FAM171A1: variants seen among roughly 807,000 people sequenced by gnomAD.
The protein encoded by FAM171A1 is protein FAM171A1.
Under a neutral mutation model 74.9 loss-of-function variants are expected in FAM171A1, and 23 were observed. The ratio of observed to expected loss-of-function variants is 0.31; its 90% CI spans 0.22 to 0.44. The LOEUF (loss-of-function observed/expected upper bound fraction) is 0.44. Among genes scored for constraint, FAM171A1 ranks in the 20% least tolerant of loss-of-function variants. FAM171A1 has a pLI of 1.00. For synonymous variants in FAM171A1, 527 were observed against 505.7 expected (o/e 1.04, Z -0.57); for missense variants, 1,162 against 1,159.2 (o/e 1.00, Z -0.03).
intron 3 of FAM171A1, among the ~76,000 whole-genome samples, chr10:15,275,269 A>G (rs1438347514): frequency 6.6e-6 from 1 of 151,990 alleles, no homozygotes; most frequent in Non-Finnish European, 1.5e-5. Context: ...TTAAAAAATA[A>G]TAAGTGGATT....
intron 1 of FAM171A1, among the ~76,000 whole-genome samples, chr10:15,297,382 TAC>T (rs761796899): frequency 3.9e-5 from 6 of 152,230 alleles, no homozygotes; most frequent in Middle Eastern, 3.4e-3. Flanking sequence ...TGATAGAACT[TAC>T]ACATAACGTA....
At chr10:15,344,167 G>A (rs1173808002) in intron 1 of FAM171A1, among the ~76,000 whole-genome samples, 1 of 152,174 alleles carries the variant, frequency 6.6e-6, no homozygotes, top group African/African-American at 2.4e-5. Flanking sequence ...TTAGGGTTGA[G>A]AAGTTTGCTA....
chr10:15,214,988 C>A (rs991286010), intron 7 of FAM171A1, among the ~76,000 whole-genome samples: 2 of 151,528 alleles, frequency 1.3e-5, no homozygotes, highest in African/African-American at 4.9e-5. Context: ...TCTTAAACTC[C>A]TGGCCTCAAG....
At chr10:15,367,533 G>C (rs1233464538) in intron 1 of FAM171A1, among the ~76,000 whole-genome samples, 1 of 152,170 alleles carries the variant, frequency 6.6e-6, no homozygotes, top group Non-Finnish European at 1.5e-5. Context: ...TTATTTAGAA[G>C]TCATGCTCTT....
In FAM171A1 at chr10:15,324,583, A is replaced by T. The variant is rs541794114; in HGVS notation, c.98-40478T>A. 3.2e-4 allele frequency among the ~76,000 whole-genome samples: 48 copies of T among 152,350 alleles called. 1 individual carries two copies. The South Asian group carries it at 9.9e-3, about 32-fold the overall frequency. On this transcript the variant is annotated intron_variant, in intron 1 of 7. Coordinates refer to ENST00000378116, the MANE Select transcript of FAM171A1 (RefSeq NM_001010924.2). ...CGTGCGCTAGCTGGCCATCCTGCACAGTCGGCTGAGATTTACTGTTGGTTT... is the reference window on the plus strand; with the variant it reads ...CGTGCGCTAGCTGGCCATCCTGCACTGTCGGCTGAGATTTACTGTTGGTTT...
At chr10:15,226,111 A>G (rs1834103121) in intron 5 of FAM171A1, among the ~76,000 whole-genome samples, 1 of 152,208 alleles carries the variant, frequency 6.6e-6, no homozygotes, top group African/African-American at 2.4e-5. Flanking sequence ...AGGCAAGGTC[A>G]TGTGGTGAAG....
intron 1 of FAM171A1, among the ~76,000 whole-genome samples, chr10:15,298,247 G>T (rs1172852216): frequency 2.0e-5 from 3 of 151,990 alleles, no homozygotes; most frequent in African/African-American, 7.2e-5. Context: ...CGATTCTCCT[G>T]TCTCAGCCTC....
chr10:15,361,452 G>A (rs1201863393), intron 1 of FAM171A1, among the ~76,000 whole-genome samples: 3 of 152,174 alleles, frequency 2.0e-5, no homozygotes, highest in Non-Finnish European at 2.9e-5. Context: ...GGAGGCTGAG[G>A]TGGGTGGATC....
chr10:15,284,174 CTG>C, intron 1 of FAM171A1, 69 bp from the exon 2 acceptor site: 4 of 1,403,264 alleles, frequency 2.9e-6, no homozygotes, highest in Non-Finnish European at 4.0e-6. Context: ...TCTGGTATGA[CTG>C]TGATGGGAAG....
chr10:15,358,157 G>A (rs939526344), intron 1 of FAM171A1, among the ~76,000 whole-genome samples: 1 of 151,940 alleles, frequency 6.6e-6, no homozygotes, highest in East Asian at 1.9e-4. Context: ...TAAATTTTGT[G>A]TAGAGACGAG....
intron 5 of FAM171A1, among the ~76,000 whole-genome samples, chr10:15,248,223 TTTTTA>T (rs1834459803): frequency 6.6e-6 from 1 of 152,192 alleles, no homozygotes; most frequent in African/African-American, 2.4e-5. Context: ...TTATGGGTAA[TTTTTA>T]TTTTCTTTGT....
At chr10:15,221,916 T>TGGGAA (rs1834043556) in intron 5 of FAM171A1, among the ~76,000 whole-genome samples, 1 of 152,176 alleles carries the variant, frequency 6.6e-6, no homozygotes, top group Non-Finnish European at 1.5e-5. Context: ...ATTGCATTTT[T>TGGGAA]ACTTTGTGAA....
chr10:15,223,979 T>C (rs7893364), intron 5 of FAM171A1, among the ~76,000 whole-genome samples: 78,095 of 151,788 alleles, frequency 0.51, 21,873 homozygotes, highest in African/African-American at 0.75. Context: ...ACCACATATA[T>C]AGACCCCACC....
At chr10:15,216,235 G>A in intron 6 of FAM171A1, 125 bp from the exon 7 acceptor site, 1 of 569,770 alleles carries the variant, frequency 1.8e-6, no homozygotes. Flanking sequence ...GTGGCCAGAG[G>A]AAAACGCCCT....
chr10:15,311,248 T>G (rs1486980234), intron 1 of FAM171A1, among the ~76,000 whole-genome samples: 1 of 152,242 alleles, frequency 6.6e-6, no homozygotes, highest in Non-Finnish European at 1.5e-5. Context: ...TTCTGTATCT[T>G]TACAAGCACA....
rs906239628 is a variant in FAM171A1 at position 15,238,136 on chromosome 10, G to A, written c.754+10503C>T. ...TTTCATTCTAATGTTTGGGGGCACA[G>A]TGTAGTACTGTTTATCCCTATAATC... On this transcript the variant is annotated intron_variant, in intron 5 of 7. Transcript: ENST00000378116. Among the ~76,000 whole-genome samples, 8 of 152,318 alleles carry A rather than the reference G, an allele frequency of 5.3e-5. No individual in the cohort carries two copies. The East Asian group carries it at 1.3e-3, about 26-fold the overall frequency.
intron 1 of FAM171A1, among the ~76,000 whole-genome samples, chr10:15,299,988 A>AC (rs397828206): frequency 6.7e-6 from 1 of 150,320 alleles, no homozygotes; most frequent in African/African-American, 2.4e-5. Flanking sequence ...AAACAAACAA[A>AC]AAAGGGCAAA....
At chr10:15,235,329 A>C (rs1834273095) in intron 5 of FAM171A1, among the ~76,000 whole-genome samples, 1 of 137,600 alleles carries the variant, frequency 7.3e-6, no homozygotes, top group Admixed American at 7.3e-5. Flanking sequence ...AAAAAAAAAA[A>C]CCTCTGATAT....
intron 1 of FAM171A1, among the ~76,000 whole-genome samples, chr10:15,340,318 C>A (rs1053657959): frequency 6.6e-6 from 1 of 152,128 alleles, no homozygotes; most frequent in Non-Finnish European, 1.5e-5. Context: ...TACACCAAGG[C>A]TGGGGATGAC....
Sources: allele counts gnomAD v4.1 joint callset (sites outside exome capture counted in the v4.1 genomes callset), GRCh38; gene constraint gnomAD v4.1.1; transcripts MANE v1.5; gene names NCBI Gene and HGNC (gene_info 2026-07-23, HGNC 2026-07-21).